The following GLYAT variants were observed in gnomAD, a reference collection of about 807,000 sequenced individuals.
The protein encoded by GLYAT is glycine N-acyltransferase.
In GLYAT, 25 loss-of-function variants were observed where a neutral mutation model predicts 22.8. That is an observed-to-expected ratio of 1.09 (90% CI 0.80 to 1.53). The LOEUF is 1.53. Among genes scored for constraint, GLYAT ranks in the 40% most tolerant of loss-of-function variants. The probability of loss-of-function intolerance (pLI) is 0.00; values close to 1 mark genes in which losing one functional copy is unlikely to be tolerated. For missense variants in GLYAT, 411 were observed against 353.9 expected (o/e 1.16, Z -1.29); for synonymous variants, 140 against 122.7 (o/e 1.14, Z -0.93).
intron 2 of GLYAT, among the ~76,000 whole-genome samples, chr11:58,718,948 T>C: frequency 6.6e-6 from 1 of 152,010 alleles, no homozygotes; most frequent in African/African-American, 2.4e-5. Context: ...CACATACCAA[T>C]AACATATTTA....
At position 58,709,632 on chromosome 11, in the gene GLYAT, C is replaced by G. The variant is rs916279639; in HGVS notation, c.*134G>C. The G allele has an allele frequency of 1.3e-5, 12 of 910,196 alleles. No individual in the cohort carries two copies. The highest frequency in any genetic ancestry group is 3.3e-4 in the Middle Eastern group (1 of 2,988). 56.4% of individuals were successfully genotyped at this position (910,196 alleles called of 1,614,324 possible). On this transcript the variant is annotated 3_prime_UTR_variant, in exon 6 of 6. Coordinates refer to ENST00000344743, the MANE Select transcript of GLYAT (RefSeq NM_201648.3). ...CATGGCGATGCTGTTGAACATCACA[C>G]TGCTTCCCCAGAGTCCAAACAGTGC... is the stretch of plus-strand genomic sequence containing the variant.
intron 2 of GLYAT, among the ~76,000 whole-genome samples, chr11:58,720,746 C>T (rs1233345203): frequency 6.6e-6 from 1 of 152,000 alleles, no homozygotes; most frequent in African/African-American, 2.4e-5. Flanking sequence ...CAATGATTAT[C>T]CTGTTTGGGG....
chr11:58,729,896 C>G (rs1041684125), intron 1 of GLYAT, among the ~76,000 whole-genome samples: 1 of 152,072 alleles, frequency 6.6e-6, no homozygotes, highest in East Asian at 1.9e-4. Flanking sequence ...AGCTTAATGT[C>G]AAGTCTGTGG....
rs1565053243 is a variant in GLYAT, at chr11:58,709,744, T to C, written c.*22A>G. 1.3e-6 allele frequency: 2 copies of C among 1,586,884 alleles called. No homozygotes were observed. The highest frequency in any genetic ancestry group is 1.7e-6 in the Non-Finnish European group (2 of 1,164,768). On this transcript the variant is annotated 3_prime_UTR_variant, in exon 6 of 6. Coordinates refer to ENST00000344743, the MANE Select transcript of GLYAT (RefSeq NM_201648.3). ...TTATACGCCCAGACCTGCCCAACAC[T>C]GTCTTATGTTCAGGATTGGCATCAC...
intron 2 of GLYAT, among the ~76,000 whole-genome samples, chr11:58,716,891 G>A (rs1381696853): frequency 2.0e-5 from 3 of 152,088 alleles, no homozygotes; most frequent in Non-Finnish European, 4.4e-5. Flanking sequence ...GAAGTACACT[G>A]GTTCAGTTTG....
chr11:58,717,488 G>T (rs758822885), intron 2 of GLYAT, among the ~76,000 whole-genome samples: 1 of 151,822 alleles, frequency 6.6e-6, no homozygotes, highest in African/African-American at 2.4e-5. Flanking sequence ...AAGTTGTTTG[G>T]CTTCAGTTTT....
chr11:58,714,106 T>C (rs530601986), intron 3 of GLYAT, among the ~76,000 whole-genome samples: 114 of 152,072 alleles, frequency 7.5e-4, no homozygotes, highest in African/African-American at 2.7e-3. Context: ...AATGTAAAAA[T>C]GGTGAACTCA....
At chr11:58,724,650 A>G (rs550460412) in intron 1 of GLYAT, 139 bp from the exon 2 acceptor site, 2 of 417,110 alleles carry the variant, frequency 4.8e-6, no homozygotes, top group Admixed American at 4.2e-5. Context: ...AATCCAAGAG[A>G]AAATGAGACT....
intron 3 of GLYAT, 36 bp from the exon 4 acceptor site, chr11:58,712,922 C>A: frequency 7.1e-7 from 1 of 1,412,064 alleles, no homozygotes; most frequent in South Asian, 1.3e-5. Flanking sequence ...AAAACACATC[C>A]TTATATTTTA....
chr11:58,726,528 C>T (rs1023525853), intron 1 of GLYAT, among the ~76,000 whole-genome samples: 6 of 152,078 alleles, frequency 3.9e-5, no homozygotes, highest in African/African-American at 1.4e-4. Flanking sequence ...CCTCTGGTCC[C>T]TGCATTTCTA....
Position 58,724,423 on chromosome 11 carries a change from G to T in GLYAT, c.74C>A (p.Ser25Tyr), listed in dbSNP as rs774121411. ...EKSLRKSLPA[S>Y]LKVYGTVFHI... ...AGAATTTTCCATTATCACCTTTAAG[G>T]ATGCTGGGAGGCTCTTCCTCAAGGA... The change falls in exon 2 of 6, where the codon TCC becomes TAC. Residue 25 changes from serine to tyrosine, a missense_variant. Transcript: ENST00000344743. The T allele has an allele frequency of 4.4e-6, 7 of 1,586,746 alleles. No homozygotes were observed. The Admixed American group carries it at 1.0e-4, about 23-fold the overall frequency.
rs757583414 is a variant in GLYAT, at chr11:58,709,890, T to C, written c.767A>G (p.Lys256Arg). ...VIYSHAQKLG[K>R]LGFPVYSHVD... ...ATGAGAATAGACAGGAAACCCAAGT[T>C]TGCCCAATTTCTGGGCGTGGGAATA... The change falls in exon 6 of 6, where the codon AAA becomes AGA. Residue 256 changes from lysine (K) to arginine (R), a missense_variant. By Grantham distance (26) the Lys-to-Arg change is conservative. Transcript: ENST00000344743. 1 of 1,614,172 alleles carries C rather than the reference T, an allele frequency of 6.2e-7. No individual in the cohort carries two copies. The highest frequency in any genetic ancestry group is 2.2e-5 in the East Asian group (1 of 44,880).
chr11:58,712,397 TG>T (rs1256434188), intron 4 of GLYAT, among the ~76,000 whole-genome samples: 2 of 152,162 alleles, frequency 1.3e-5, no homozygotes, highest in Non-Finnish European at 1.5e-5. Flanking sequence ...TAGTTGTTCT[TG>T]GTGACCTGGG....
chr11:58,721,087 C>T (rs1455980257), intron 2 of GLYAT, among the ~76,000 whole-genome samples: 1 of 151,738 alleles, frequency 6.6e-6, no homozygotes. Context: ...TACATAAATA[C>T]ATATAAAGAT....
chr11:58,718,051 T>C (rs1394080422), intron 2 of GLYAT, among the ~76,000 whole-genome samples: 1 of 152,060 alleles, frequency 6.6e-6, no homozygotes, highest in Non-Finnish European at 1.5e-5. Context: ...GTACAGGGAC[T>C]GTGTACACAA....
chr11:58,712,481 G>C (rs968961503), intron 4 of GLYAT, among the ~76,000 whole-genome samples: 2 of 152,086 alleles, frequency 1.3e-5, no homozygotes, highest in South Asian at 4.1e-4. Context: ...CTCTTCTTCA[G>C]CATCCAATCA....
At chr11:58,721,019 T>C (rs975899299) in intron 2 of GLYAT, among the ~76,000 whole-genome samples, 3 of 152,044 alleles carry the variant, frequency 2.0e-5, no homozygotes, top group African/African-American at 7.2e-5. Context: ...GTTTTTTCTT[T>C]AAGTCAATTA....
At chr11:58,728,223 C>A (rs1035080688) in intron 1 of GLYAT, among the ~76,000 whole-genome samples, 24 of 151,816 alleles carry the variant, frequency 1.6e-4, no homozygotes, top group Non-Finnish European at 3.1e-4. Context: ...ACACCACACC[C>A]AAGTAATTTT....
chr11:58,717,296 G>A (rs1465399477), intron 2 of GLYAT, among the ~76,000 whole-genome samples: 1 of 152,004 alleles, frequency 6.6e-6, no homozygotes, highest in Non-Finnish European at 1.5e-5. Flanking sequence ...TTAGCATGTT[G>A]TGAAGTCTCA....
Sources: allele counts gnomAD v4.1 joint callset (sites outside exome capture counted in the v4.1 genomes callset), GRCh38; gene constraint gnomAD v4.1.1; transcripts MANE v1.5; gene names NCBI Gene and HGNC (gene_info 2026-07-23, HGNC 2026-07-21).